KLF5: variants seen among roughly 807,000 people sequenced by gnomAD.
The protein encoded by KLF5 is KLF transcription factor 5.
Under a neutral mutation model 36.9 loss-of-function variants are expected in KLF5, and 9 were observed. The ratio of observed to expected loss-of-function variants is 0.24; its 90% CI spans 0.15 to 0.43. The LOEUF is 0.43. Among genes scored for constraint, KLF5 ranks in the 20% least tolerant of loss-of-function variants. The pLI, the probability that KLF5 is intolerant of heterozygous loss-of-function variation, is 1.00. For synonymous variants in KLF5, 246 were observed against 241.7 expected (o/e 1.02, Z -0.17); for missense variants, 524 against 599.5 (o/e 0.87, Z 1.31).
chr13:73,069,184 G>A (rs557511345), intron 3 of KLF5, among the ~76,000 whole-genome samples: 2 of 152,266 alleles, frequency 1.3e-5, no homozygotes, highest in East Asian at 3.9e-4. Context: ...GCAACATTCA[G>A]TGTTCTGAAC....
chr13:73,059,951 T>G, intron 1 of KLF5: 1 of 246,666 alleles, frequency 4.1e-6, no homozygotes, highest in Non-Finnish European at 6.5e-6. Flanking sequence ...CCTTCGCCTG[T>G]ACCGCTCTCC....
chr13:73,073,520 A>G (rs2044737033), intron 3 of KLF5, among the ~76,000 whole-genome samples: 1 of 152,042 alleles, frequency 6.6e-6, no homozygotes, highest in Non-Finnish European at 1.5e-5. Flanking sequence ...TAGTGAACAA[A>G]AAGAGTCTAG....
intron 3 of KLF5, among the ~76,000 whole-genome samples, chr13:73,068,185 A>G (rs1411087926): frequency 1.3e-5 from 2 of 152,226 alleles, no homozygotes; most frequent in Non-Finnish European, 2.9e-5. Context: ...TTCCCTGTTT[A>G]GGAAAGATTT....
At chr13:73,069,487 C>A (rs1327127285) in intron 3 of KLF5, among the ~76,000 whole-genome samples, 1 of 151,778 alleles carries the variant, frequency 6.6e-6, no homozygotes, top group African/African-American at 2.4e-5. Context: ...ATTAAACATT[C>A]TTTTCATTCT....
At chr13:73,057,538 G>C (rs1052025062), upstream of KLF5, among the ~76,000 whole-genome samples, 3 of 152,046 alleles carry the variant, frequency 2.0e-5, no homozygotes, top group African/African-American at 7.2e-5. Flanking sequence ...AGGAAAAGGA[G>C]AAAAACCCAG....
rs2044764137 is a variant in KLF5 at position 73,076,725 on chromosome 13, A to G, written c.*839A>G. On this transcript the variant is annotated 3_prime_UTR_variant, in exon 4 of 4. Transcript: ENST00000377687. Reference sequence around the variant, plus strand: ...AGCTTAAAGATAGTTACAAAATACAAAAGTTCAACCTCTTACAATAAGCTA... The same window carrying G: ...AGCTTAAAGATAGTTACAAAATACAGAAGTTCAACCTCTTACAATAAGCTA... 1 of 152,336 alleles carries G rather than the reference A, an allele frequency of 6.6e-6. No homozygotes were observed. 9.4% of individuals were successfully genotyped at this position (152,336 alleles called of 1,614,324 possible).
intron 3 of KLF5, among the ~76,000 whole-genome samples, chr13:73,067,706 A>G (rs530475067): frequency 1.3e-5 from 2 of 152,270 alleles, no homozygotes; most frequent in South Asian, 2.1e-4. Flanking sequence ...GACTCCATGC[A>G]TTGGACTCTG....
chr13:73,072,483 C>G (rs141374064), intron 3 of KLF5, among the ~76,000 whole-genome samples: 1 of 152,302 alleles, frequency 6.6e-6, no homozygotes, highest in Non-Finnish European at 1.5e-5. Context: ...CATTCCTTAG[C>G]TGACCTTCGC....
chr13:73,059,137 A>T lies in KLF5; in HGVS notation c.-191A>T, dbSNP rs1594391267. On this transcript the variant is annotated 5_prime_UTR_variant, in exon 1 of 4. Transcript: ENST00000377687. ...GGCCGCCCGGAGGACGTTGGCGTTT[A>T]CGTGTGGAAGAGCGGAAGAGTTTTG... is the stretch of plus-strand genomic sequence containing the variant. 1 of 443,244 alleles carries T rather than the reference A, an allele frequency of 2.3e-6. No individual in the cohort carries two copies. The highest frequency in any genetic ancestry group is 3.7e-6 in the Non-Finnish European group (1 of 267,488). The allele number at this position is 443,244 out of a possible 1,614,324, so 27.5% of individuals were successfully genotyped here. A position where few individuals can be genotyped will look rare whatever the true frequency, so the allele number is the denominator to read the frequency against.
At chr13:73,059,757 G>A (rs1298149512) in intron 1 of KLF5, 169 bp downstream of exon 1, 1 of 660,484 alleles carries the variant, frequency 1.5e-6, no homozygotes, top group African/African-American at 2.2e-5. Flanking sequence ...GGGGCCCCGC[G>A]TTTCGCTGAG....
intron 3 of KLF5, among the ~76,000 whole-genome samples, chr13:73,074,451 C>T (rs1245191850): frequency 6.6e-6 from 1 of 151,962 alleles, no homozygotes; most frequent in Non-Finnish European, 1.5e-5. Context: ...AGCAGTAAGC[C>T]AGTAATACTT....
chr13:73,068,860 C>T lies in KLF5; in HGVS notation c.1195+4977C>T, dbSNP rs1012864479. On this transcript the variant is annotated intron_variant, in intron 3 of 3. Transcript: ENST00000377687. ...CCTGTAATCCCAGCTCTTTGGGAGGCGGAGGCAGGTGGATCACCTGAGTTC... is the reference window on the plus strand; with the variant it reads ...CCTGTAATCCCAGCTCTTTGGGAGGTGGAGGCAGGTGGATCACCTGAGTTC... 3.9e-5 allele frequency among the ~76,000 whole-genome samples: 6 copies of T among 152,082 alleles called. No individual in the cohort carries two copies. The South Asian group carries it at 1.0e-3, about 26-fold the overall frequency.
In KLF5 at chr13:73,077,238, A is replaced by G. The variant is rs1272000340; in HGVS notation, c.*1352A>G. On this transcript the variant is annotated 3_prime_UTR_variant, in exon 4 of 4. Coordinates refer to ENST00000377687, the MANE Select transcript of KLF5 (RefSeq NM_001730.5). ...GTTTTTTTAGAAGACAATTTTCATAACTTGATAAATTATAGTTTTGTTTGT... is the reference window on the plus strand; with the variant it reads ...GTTTTTTTAGAAGACAATTTTCATAGCTTGATAAATTATAGTTTTGTTTGT... 6.6e-6 allele frequency: 1 copy of G among 152,668 alleles called. No homozygotes were observed. The highest frequency in any genetic ancestry group is 1.9e-4 in the East Asian group (1 of 5,202). The allele number at this position is 152,668 out of a possible 1,614,324, so 9.5% of individuals were successfully genotyped here. A position where few individuals can be genotyped will look rare whatever the true frequency, so the allele number is the denominator to read the frequency against.
chr13:73,067,092 G>A (rs1300508322), intron 3 of KLF5, among the ~76,000 whole-genome samples: 5 of 152,124 alleles, frequency 3.3e-5, no homozygotes, highest in Non-Finnish European at 7.4e-5. Flanking sequence ...TCAATGAGTG[G>A]TGTATTTCCA....
rs1239740342 is a variant in KLF5 at position 73,076,195 on chromosome 13, T to C, written c.*309T>C. The stretch of plus-strand genomic sequence containing the variant: ...GGTGGAGGGGAGTGTGTGCAGCGTT[T>C]TTACCTAGGCACCATCATTTAATGT... On this transcript the variant is annotated 3_prime_UTR_variant, in exon 4 of 4. Transcript: ENST00000377687. The C allele has an allele frequency of 4.0e-6, 1 of 250,868 alleles. No individual in the cohort carries two copies. Among genetic ancestry groups the C allele is most frequent in the Admixed American group, 5.5e-5 (1 of 18,100 alleles). The allele number at this position is 250,868 out of a possible 1,614,324, so 15.5% of individuals were successfully genotyped here. A position where few individuals can be genotyped will look rare whatever the true frequency, so the allele number is the denominator to read the frequency against.
rs1397630362 is a variant in KLF5, at chr13:73,064,522, T to G, written c.1195+639T>G. ...TGCTTTTAAGTTTAGCTCCTCTACT[T>G]TTGTATTTGCTTTGTTCAATCTATA... On this transcript the variant is annotated intron_variant, in intron 3 of 3. Transcript: ENST00000377687. Among the ~76,000 whole-genome samples the G allele has an allele frequency of 1.5e-4, 23 of 152,250 alleles. 1 individual carries two copies. The East Asian group carries it at 4.4e-3, about 29-fold the overall frequency.
rs947090807 is a variant in KLF5, at chr13:73,059,243, C to A, written c.-85C>A. On this transcript the variant is annotated 5_prime_UTR_variant, in exon 1 of 4. Coordinates refer to ENST00000377687, the MANE Select transcript of KLF5 (RefSeq NM_001730.5). The stretch of plus-strand genomic sequence containing the variant: ...ACCTCCCCTCCTCCGCCGGCAGCCC[C>A]GCGCTGAGCTCGCCGACCCAAGCCA... The A allele has an allele frequency of 7.3e-6, 9 of 1,227,392 alleles. No individual in the cohort carries two copies. The highest frequency in any genetic ancestry group is 6.4e-5 in the East Asian group (2 of 31,206). 76.0% of individuals were successfully genotyped at this position (1,227,392 alleles called of 1,614,324 possible).
intron 1 of KLF5, 25 bp downstream of exon 1, chr13:73,059,613 C>G (rs746818888): frequency 1.7e-6 from 2 of 1,144,870 alleles, no homozygotes; most frequent in South Asian, 4.1e-5. Context: ...TCCCCTCCCA[C>G]CGCAGCACTC....
At chr13:73,068,999 T>G (rs973802052) in intron 3 of KLF5, among the ~76,000 whole-genome samples, 2 of 151,784 alleles carry the variant, frequency 1.3e-5, no homozygotes, top group African/African-American at 4.8e-5. Context: ...GGGAGCCTGA[T>G]GCAGGAGAAT....
Sources: gnomAD v4.1 joint callset for allele counts (sites outside exome capture counted in the v4.1 genomes callset) on GRCh38, gnomAD v4.1.1 for gene constraint, MANE v1.5 for transcripts, NCBI Gene and HGNC (gene_info 2026-07-23, HGNC 2026-07-21) for gene names.